DNAH3: variants seen among roughly 807,000 people sequenced by gnomAD.
DNAH3 encodes the protein dynein axonemal heavy chain 3.
A neutral mutation model predicts 432.5 loss-of-function variants in DNAH3; 332 were observed. That is an observed-to-expected ratio of 0.77 (90% confidence interval 0.70 to 0.84). The LOEUF (loss-of-function observed/expected upper bound fraction) is 0.84. DNAH3 is among the 40% of genes least tolerant of loss of function. The probability of loss-of-function intolerance (pLI) is 0.00; values close to 1 mark genes in which losing one functional copy is unlikely to be tolerated. For missense variants in DNAH3, 4,861 were observed against 5,114.0 expected (o/e 0.95, Z 1.51); for synonymous variants, 1,956 against 1,900.2 (o/e 1.03, Z -0.76).
exon 53 of DNAH3, chr16:20,964,532 C>A: frequency 6.2e-7 from 1 of 1,614,126 alleles, no homozygotes; most frequent in South Asian, 1.1e-5. Flanking sequence ...AACTGCAGCG[C>A]GTTTTCCAGC....
At chr16:21,154,677 C>T (rs1193360345) in intron 1 of DNAH3, among the ~76,000 whole-genome samples, 1 of 152,184 alleles carries the variant, frequency 6.6e-6, no homozygotes, top group Non-Finnish European at 1.5e-5. Flanking sequence ...ATTGAGGAAA[C>T]TGATACATTA....
intron 1 of DNAH3, among the ~76,000 whole-genome samples, chr16:21,153,553 G>A (rs889219002): frequency 1.3e-5 from 2 of 152,188 alleles, no homozygotes; most frequent in Admixed American, 6.5e-5. Context: ...GCAGTGGCAA[G>A]CCGCTTGATC....
In DNAH3 at chr16:20,964,533, G is replaced by T. The variant is rs200801494; in HGVS notation, c.9351C>A (p.Asn3117Lys). Residue 3117 changes from asparagine to lysine, a missense_variant, in exon 53 of 62, where the codon AAC (asparagine) becomes AAA (lysine). Physicochemically the swap from Asn to Lys is moderately conservative, Grantham distance 94. Transcript: ENST00000261383. ...AGACAGGGGTGCCTAACTGCAGCGC[G>T]TTTTCCAGCATCCTCATGTAGTTGC... is the stretch of plus-strand genomic sequence containing the variant. 9 of 1,614,002 alleles carry T rather than the reference G, an allele frequency of 5.6e-6. No homozygotes were observed. In the Admixed American group the frequency reaches 8.3e-5, roughly 15 times the overall value.
At chr16:21,141,065 G>T (rs1172687963) in intron 4 of DNAH3, among the ~76,000 whole-genome samples, 4 of 152,038 alleles carry the variant, frequency 2.6e-5, no homozygotes, top group Non-Finnish European at 5.9e-5. Flanking sequence ...CTTGAACCCG[G>T]GAGGCAGATG....
At chr16:21,081,106 C>A (rs140246047) in intron 20 of DNAH3, among the ~76,000 whole-genome samples, 2 of 151,724 alleles carry the variant, frequency 1.3e-5, no homozygotes, top group Admixed American at 6.6e-5. Flanking sequence ...TTAGTAGAAA[C>A]GGGGGTTTCA....
At chr16:21,122,212 T>A (rs2092357919) in intron 9 of DNAH3, 88 bp from the exon 11 acceptor site, 4 of 1,127,690 alleles carry the variant, frequency 3.5e-6, no homozygotes, top group Admixed American at 2.2e-5. Context: ...TAGAACTACA[T>A]GAGGACCAGA....
chr16:21,101,458 A>T (rs761672302), intron 16 of DNAH3, among the ~76,000 whole-genome samples: 2 of 152,216 alleles, frequency 1.3e-5, no homozygotes, highest in Non-Finnish European at 2.9e-5. Flanking sequence ...TAATACAATC[A>T]TTAGCAAATA....
At position 20,936,890 on chromosome 16, in the gene DNAH3, C is replaced by T. The variant is rs753223796; in HGVS notation, c.11655-37G>A. On this transcript the variant is annotated intron_variant, in intron 59 of 61. Transcript: ENST00000261383. ...GAGGAGCTGGCTGAGCTGGGCTCTCCGGTGGCCACATTCTACCCAAGTCCA... is the reference window on the plus strand; with the variant it reads ...GAGGAGCTGGCTGAGCTGGGCTCTCTGGTGGCCACATTCTACCCAAGTCCA... The T allele has an allele frequency of 6.2e-5, 97 of 1,554,550 alleles. 1 individual carries two copies. The highest frequency in any genetic ancestry group is 4.3e-4 in the Middle Eastern group (2 of 4,678).
intron 19 of DNAH3, among the ~76,000 whole-genome samples, chr16:21,083,161 G>A (rs189291804): frequency 2.0e-5 from 3 of 151,880 alleles, no homozygotes; most frequent in Admixed American, 6.6e-5. Context: ...GATTACAGGC[G>A]CATGGCACCA....
chr16:21,142,760 C>T (rs1336991996), intron 3 of DNAH3, among the ~76,000 whole-genome samples: 1 of 151,244 alleles, frequency 6.6e-6, no homozygotes, highest in Non-Finnish European at 1.5e-5. Context: ...CTCAGGTGAT[C>T]CTCCCACCTC....
chr16:20,964,742 G>A, exon 53 of DNAH3: 2 of 1,614,120 alleles, frequency 1.2e-6, no homozygotes, highest in Non-Finnish European at 1.7e-6. Context: ...ATTTTTATGG[G>A]ATCCCCTAAC....
At chr16:21,067,186 C>T in intron 24 of DNAH3, 97 bp downstream of exon 24, 1 of 1,332,544 alleles carries the variant, frequency 7.5e-7, no homozygotes, top group South Asian at 1.2e-5. Flanking sequence ...AGAGTATGGA[C>T]TAGATTGGTT....
chr16:21,068,290 T>A (rs1309953573), intron 23 of DNAH3, among the ~76,000 whole-genome samples: 2 of 149,156 alleles, frequency 1.3e-5, no homozygotes, highest in African/African-American at 4.9e-5. Flanking sequence ...CTCTTCTGCA[T>A]TCTAATAACT....
chr16:21,143,625 T>C (rs916005809), intron 3 of DNAH3, among the ~76,000 whole-genome samples: 2 of 152,218 alleles, frequency 1.3e-5, no homozygotes, highest in African/African-American at 4.8e-5. Flanking sequence ...TAAGGTTCTG[T>C]GTATCATGAT....
chr16:21,138,943 G>C (rs2092681477), intron 5 of DNAH3, among the ~76,000 whole-genome samples: 1 of 152,144 alleles, frequency 6.6e-6, no homozygotes, highest in African/African-American at 2.4e-5. Flanking sequence ...CTGGACAATA[G>C]AGATAATCAT....
At chr16:20,962,110 A>C (rs1567533588) in intron 53 of DNAH3, among the ~76,000 whole-genome samples, 1 of 151,842 alleles carries the variant, frequency 6.6e-6, no homozygotes, top group Non-Finnish European at 1.5e-5. Context: ...GCAGTGAGCC[A>C]ATATCACGCC....
intron 5 of DNAH3, among the ~76,000 whole-genome samples, chr16:21,138,550 G>A (rs988877734): frequency 2.6e-5 from 4 of 151,966 alleles, no homozygotes; most frequent in Non-Finnish European, 4.4e-5. Flanking sequence ...GGTGGCTCAC[G>A]CCATAATCCC....
intron 1 of DNAH3, among the ~76,000 whole-genome samples, chr16:21,157,219 A>G (rs2092904076): frequency 6.6e-6 from 1 of 152,046 alleles, no homozygotes; most frequent in Admixed American, 6.5e-5. Flanking sequence ...ATCATCATAA[A>G]TCATCATCCC....
intron 42 of DNAH3, among the ~76,000 whole-genome samples, chr16:21,002,849 C>T (rs1270437734): frequency 2.0e-5 from 3 of 152,172 alleles, no homozygotes; most frequent in African/African-American, 4.8e-5. Flanking sequence ...TCATGTATAA[C>T]ACCTCCAACC....
Sources: gnomAD v4.1 joint callset for allele counts (sites outside exome capture counted in the v4.1 genomes callset) on GRCh38, gnomAD v4.1.1 for gene constraint, MANE v1.5 for transcripts, NCBI Gene and HGNC (gene_info 2026-07-23, HGNC 2026-07-21) for gene names.